The following SLC39A6 variants were observed in gnomAD, a reference collection of about 807,000 sequenced individuals.
SLC39A6 encodes solute carrier family 39 member 6, also known as zinc transporter ZIP6.
SLC39A6 carries 51 observed loss-of-function variants against 63.5 expected under a neutral mutation model. The observed-to-expected ratio is 0.80, with a 90% CI of 0.64 to 1.01. The LOEUF (loss-of-function observed/expected upper bound fraction) is 1.01, where lower values mean the gene tolerates loss of function less well. SLC39A6 is among the 50% of genes least tolerant of loss of function. The pLI is 0.00. For missense variants in SLC39A6, 805 were observed against 927.8 expected (o/e 0.87, Z 1.72); for synonymous variants, 318 against 324.7 (o/e 0.98, Z 0.22).
chr18:36,114,394 C>T lies in SLC39A6; in HGVS notation c.1546G>A (p.Glu516Lys), dbSNP rs763952089. Reference protein sequence around the residue: ...SQQPAVLEEEEVMIAHAHPQE... With the variant: ...SQQPAVLEEEKVMIAHAHPQE... The stretch of plus-strand genomic sequence containing the variant: ...GGATGAGCATGAGCTATCATGACCT[C>T]TTCTTCTTCCAAGACTGCAGGCTGC... Residue 516 changes from glutamate to lysine, a missense_variant, in exon 7 of 10, where the codon GAG (glutamate) becomes AAG (lysine). This residue lies in a region of SLC39A6 where 639 missense variants were observed against 644.0 expected (regional missense o/e 0.99). Coordinates refer to ENST00000269187, the MANE Select transcript of SLC39A6 (RefSeq NM_012319.4). 1 of 1,614,164 alleles carries T rather than the reference C, an allele frequency of 6.2e-7. No individual in the cohort carries two copies. The highest frequency in any genetic ancestry group is 1.7e-5 in the Admixed American group (1 of 60,024).
chr18:36,119,600 T>C (rs1225258833), intron 5 of SLC39A6, among the ~76,000 whole-genome samples: 2 of 152,264 alleles, frequency 1.3e-5, no homozygotes, highest in East Asian at 3.9e-4. Context: ...TACAGATTGA[T>C]TTTACAACTC....
At position 36,114,214 on chromosome 18, in the gene SLC39A6, G is replaced by C. The variant is rs1285217476; in HGVS notation, c.1726C>G (p.His576Asp). The change falls in exon 7 of 10, where the codon CAC becomes GAC. Residue 576 changes from histidine to aspartate, a missense_variant. His to Asp is a moderately conservative substitution (Grantham distance 81). This residue lies in a region of SLC39A6 where 2 missense variants were observed against 21.5 expected (regional missense o/e 0.09). Coordinates refer to ENST00000269187, the MANE Select transcript of SLC39A6 (RefSeq NM_012319.4). Reference sequence around the variant, plus strand: ...CGAGAGTAGCGCTGGCTGTGACTGTGAGGATGGTGGTTTTGGTGGTGGTGA... The same window carrying C: ...CGAGAGTAGCGCTGGCTGTGACTGTCAGGATGGTGGTTTTGGTGGTGGTGA... Reference protein sequence around the residue: ...HHHHHQNHHPHSHSQRYSREE... With the variant: ...HHHHHQNHHPDSHSQRYSREE... 6.2e-7 allele frequency: 1 copy of C among 1,614,100 alleles called. No homozygotes were observed. Among genetic ancestry groups the C allele is most frequent in the Non-Finnish European group, 8.5e-7 (1 of 1,180,048 alleles).
At chr18:36,122,497 T>C (rs935653474) in intron 4 of SLC39A6, among the ~76,000 whole-genome samples, 35 of 152,284 alleles carry the variant, frequency 2.3e-4, no homozygotes, top group Middle Eastern at 3.4e-3. Flanking sequence ...GTGACCCCCA[T>C]AATATATAAA....
intron 9 of SLC39A6, among the ~76,000 whole-genome samples, chr18:36,110,372 A>G (rs915881366): frequency 2.0e-5 from 3 of 150,986 alleles, no homozygotes; most frequent in Non-Finnish European, 4.4e-5. Flanking sequence ...ATACATCAGA[A>G]GGATGTAGAT....
chr18:36,120,423 A>C (rs2144506772), intron 5 of SLC39A6, among the ~76,000 whole-genome samples: 1 of 152,310 alleles, frequency 6.6e-6, no homozygotes, highest in Admixed American at 6.5e-5. Flanking sequence ...ACTAAAGAGA[A>C]GGCTCAAAAT....
At position 36,114,494 on chromosome 18, in the gene SLC39A6, GC is replaced by G. The variant is rs958024309; in HGVS notation, c.1466-21del. On this transcript the variant is annotated intron_variant, in intron 6 of 9. Coordinates refer to ENST00000269187, the MANE Select transcript of SLC39A6 (RefSeq NM_012319.4). ...CAGTTCCTAGGAATAAACATAAAGG[GC>G]ATGGGGACAGTTAGAAGGCTTTGTT... 3.9e-5 allele frequency: 62 copies of G among 1,577,602 alleles called. No homozygotes were observed. The highest frequency in any genetic ancestry group is 5.2e-5 in the Non-Finnish European group (60 of 1,162,222).
chr18:36,122,354 A>T, intron 4 of SLC39A6, 84 bp from the exon 5 acceptor site: 1 of 992,022 alleles, frequency 1.0e-6, no homozygotes. Context: ...GTCAAAATTG[A>T]AATCATTCAG....
intron 5 of SLC39A6, among the ~76,000 whole-genome samples, chr18:36,121,462 C>A (rs1413994365): frequency 6.6e-6 from 1 of 152,166 alleles, no homozygotes; most frequent in Non-Finnish European, 1.5e-5. Context: ...TGACCCACAT[C>A]ATTTTTAAGA....
In SLC39A6 at chr18:36,126,648, G is replaced by A. The variant is rs375857170; in HGVS notation, c.360C>T (p.His120=). 1.7e-5 allele frequency: 28 copies of A among 1,602,240 alleles called. No individual in the cohort carries two copies. Among genetic ancestry groups the A allele is most frequent in the South Asian group, 7.8e-5 (7 of 89,880 alleles). ...GATGATCATGGTCAGAGTGATGCTC[G>A]TGCTCTGAGTGATGCTCATGGTCTG... ...RHSDHEHHSE[H]EHHSDHDHHS... The change falls in exon 2 of 10, where the codon CAC becomes CAT. Residue 120 remains histidine (H), a synonymous_variant. Coordinates refer to ENST00000269187, the MANE Select transcript of SLC39A6 (RefSeq NM_012319.4).
intron 6 of SLC39A6, among the ~76,000 whole-genome samples, chr18:36,115,467 C>T (rs2089337299): frequency 1.3e-5 from 1 of 74,228 alleles, no homozygotes; most frequent in Admixed American, 1.6e-4. Context: ...ATTAAAACAA[C>T]AACAACAACA....
At chr18:36,125,737 A>G (rs1327627836) in intron 2 of SLC39A6, among the ~76,000 whole-genome samples, 1 of 152,208 alleles carries the variant, frequency 6.6e-6, no homozygotes, top group Non-Finnish European at 1.5e-5. Context: ...CATGACATTC[A>G]TGGAAACTGC....
intron 1 of SLC39A6, 29 bp from the exon 2 acceptor site, chr18:36,127,045 G>A: frequency 1.3e-6 from 2 of 1,542,396 alleles, no homozygotes. Context: ...AAAAATTCTT[G>A]ACTCACTTCT....
At chr18:36,120,245 CT>C (rs66950059) in intron 5 of SLC39A6, among the ~76,000 whole-genome samples, 45,533 of 150,222 alleles carry the variant, frequency 0.3, 7,234 homozygotes, top group Middle Eastern at 0.47. Flanking sequence ...TAATGAGTAG[CT>C]TTTTTTTTTC....
intron 5 of SLC39A6, 72 bp downstream of exon 5, chr18:36,121,980 A>G: frequency 8.8e-7 from 1 of 1,130,752 alleles, no homozygotes. Context: ...ATGCTATTCT[A>G]ACAATCTAGT....
intron 6 of SLC39A6, 107 bp from the exon 7 acceptor site, chr18:36,114,581 A>G (rs2089328852): frequency 1.4e-5 from 10 of 738,014 alleles, no homozygotes; most frequent in Non-Finnish European, 1.7e-5. Context: ...TTAAAGCATG[A>G]TAACTCCTTC....
chr18:36,122,759 G>C (rs907171204), intron 4 of SLC39A6, among the ~76,000 whole-genome samples: 1 of 152,138 alleles, frequency 6.6e-6, no homozygotes, highest in Non-Finnish European at 1.5e-5. Flanking sequence ...TTAGGGAATC[G>C]GGTGTGGAAC....
rs773505650 is a variant in SLC39A6, at chr18:36,109,740, A to C, written c.2121T>G (p.Pro707=). 1 of 1,593,174 alleles carries C rather than the reference A, an allele frequency of 6.3e-7. No individual in the cohort carries two copies. Among genetic ancestry groups the C allele is most frequent in the South Asian group, 1.2e-5 (1 of 86,270 alleles). Residue 707 remains proline (P), a synonymous_variant, in exon 10 of 10, where the codon CCT becomes CCG. Transcript: ENST00000269187. The stretch of plus-strand genomic sequence containing the variant: ...CACTAGCATCATTGTGCAGCATTTC[A>C]GGTACCTTTAAAAAAAAGTAAGGGA... The part of the protein sequence containing the change: ...FMYVALVDMV[P]EMLHNDASDH...
intron 9 of SLC39A6, 132 bp downstream of exon 9, chr18:36,110,927 A>G: frequency 1.4e-6 from 2 of 1,400,242 alleles, no homozygotes; most frequent in South Asian, 1.5e-5. Context: ...GGAATTTGAG[A>G]CCAGCCTGGA....
chr18:36,111,804 A>T (rs995498261), intron 8 of SLC39A6, among the ~76,000 whole-genome samples: 2 of 152,224 alleles, frequency 1.3e-5, no homozygotes, highest in East Asian at 1.9e-4. Flanking sequence ...AACCAAAAAA[A>T]TTTTTTAAGG....
Sources: allele counts gnomAD v4.1 joint callset (sites outside exome capture counted in the v4.1 genomes callset), GRCh38; gene constraint gnomAD v4.1.1; regional missense constraint gnomAD v4.1.1; transcripts MANE v1.5; gene names NCBI Gene and HGNC (gene_info 2026-07-23, HGNC 2026-07-21).